BCS1L: variants seen among roughly 807,000 people sequenced by gnomAD.
BCS1L encodes the protein BCS1 ubiquinol-cytochrome c reductase complex chaperone.
A neutral mutation model predicts 49.3 loss-of-function variants in BCS1L; 38 were observed. The observed-to-expected ratio is 0.77, with a 90% CI of 0.59 to 1.01. BCS1L has a LOEUF of 1.01. Ranked by LOEUF, BCS1L falls within the 50% of genes least tolerant of loss-of-function variation. The probability of loss-of-function intolerance (pLI) is 0.00; values close to 1 mark genes in which losing one functional copy is unlikely to be tolerated. For synonymous variants in BCS1L, 193 were observed against 210.1 expected, an observed-to-expected ratio of 0.92 and a Z score of 0.70; for missense variants, 394 against 540.2, an observed-to-expected ratio of 0.73 and a Z score of 2.68.
chr2:218,660,796 C>T (rs1031564430), intron 1 of BCS1L, 143 bp from the exon 2 acceptor site: 7 of 619,582 alleles, frequency 1.1e-5, no homozygotes, highest in Non-Finnish European at 1.7e-5. Context: ...GACCTGGAGC[C>T]TCCACCCTTG....
Position 218,661,590 on chromosome 2 carries a change from G to A in BCS1L, c.460+45G>A. 1 of 1,611,492 alleles carries A rather than the reference G, an allele frequency of 6.2e-7. No individual in the cohort carries two copies. Among genetic ancestry groups the A allele is most frequent in the Non-Finnish European group, 8.5e-7 (1 of 1,178,884 alleles). ...GGCTTTCTAGGGACATTGCAGGGAT[G>A]GGGACATTTGACATCAGATGAGCAG... On this transcript the variant is annotated intron_variant, in intron 3 of 7. Transcript: ENST00000359273. This position sits in a 1 kb window ranked among gnomAD's most constrained non-coding sequence, Gnocchi z 5.9.
chr2:218,662,725 A>G lies in BCS1L; in HGVS notation c.889+46A>G. ...GAAGTGGAGTGGGTAACTGTGGAAC[A>G]GGGGAAGAAAGCAGAAATCCAGAGG... On this transcript the variant is annotated intron_variant, in intron 6 of 7. Transcript: ENST00000359273. This position sits in a 1 kb window ranked among gnomAD's most constrained non-coding sequence, Gnocchi z 5.8. 6.2e-7 allele frequency: 1 copy of G among 1,613,514 alleles called. No homozygotes were observed. Among genetic ancestry groups the G allele is most frequent in the Non-Finnish European group, 8.5e-7 (1 of 1,179,742 alleles).
chr2:218,661,305 C>T lies in BCS1L; in HGVS notation c.318C>T (p.Ile106=). 1 of 1,614,200 alleles carries T rather than the reference C, an allele frequency of 6.2e-7. No individual in the cohort carries two copies. Among genetic ancestry groups the T allele is most frequent in the South Asian group, 1.1e-5 (1 of 91,082 alleles). ...EFVPSPGNHF[I]WYRGKWIRVE... ...TCCCCAGCCCTGGAAACCATTTTATCTGGTAAGGTGGGGAGCTAGGGAGGG... is the reference window on the plus strand; with the variant it reads ...TCCCCAGCCCTGGAAACCATTTTATTTGGTAAGGTGGGGAGCTAGGGAGGG... The change falls in exon 2 of 8, where the codon ATC becomes ATT. Residue 106 remains isoleucine, a splice_region_variant and synonymous_variant. Coordinates refer to ENST00000359273, the MANE Select transcript of BCS1L (RefSeq NM_001079866.2). The surrounding 1 kb of genome is among the most constrained non-coding windows in gnomAD (Gnocchi z 5.9).
chr2:218,661,785 G>A lies in BCS1L; in HGVS notation c.487G>A (p.Glu163Lys), dbSNP rs1042987872. 15 of 1,610,008 alleles carry A rather than the reference G, an allele frequency of 9.3e-6. No homozygotes were observed. The highest frequency in any genetic ancestry group is 1.3e-5 in the Non-Finnish European group (15 of 1,176,568). Residue 163 changes from glutamate (E) to lysine (K), a missense_variant, in exon 4 of 8, where the codon GAA becomes AAA. Transcript: ENST00000359273. The surrounding 1 kb of genome is among the most constrained non-coding windows in gnomAD (Gnocchi z 5.9). ...TCGAGAGCTAGCCTTGCAGCAGGAG[G>A]AAGGGAAGACCGTGATGTACACAGC... ...EARELALQQE[E>K]GKTVMYTAVG... is the part of the protein sequence containing the mutation.
intron 1 of BCS1L, chr2:218,660,179 T>A (rs973184953): frequency 1.3e-5 from 2 of 152,260 alleles, no homozygotes; most frequent in South Asian, 4.1e-4. Context: ...TGCTTACTTG[T>A]TGAACATATT....
rs1041524366 is a variant in BCS1L, at chr2:218,662,719, T to A, written c.889+40T>A. 1 of 1,613,318 alleles carries A rather than the reference T, an allele frequency of 6.2e-7. No individual in the cohort carries two copies. The highest frequency in any genetic ancestry group is 8.5e-7 in the Non-Finnish European group (1 of 1,179,830). On this transcript the variant is annotated intron_variant, in intron 6 of 7. Coordinates refer to ENST00000359273, the MANE Select transcript of BCS1L (RefSeq NM_001079866.2). This position sits in a 1 kb window ranked among gnomAD's most constrained non-coding sequence, Gnocchi z 5.8. ...CTGGAGGAAGTGGAGTGGGTAACTG[T>A]GGAACAGGGGAAGAAAGCAGAAATC...
In BCS1L at chr2:218,663,131, C is replaced by T. The variant is rs760112313; in HGVS notation, c.1008-3C>T. ...GTGACCTGCTTTCCCTGTCTTCTCT[C>T]AGGCTGGACCCTGCCCTGATACGCC... On this transcript the variant is annotated splice_polypyrimidine_tract_variant and splice_region_variant and intron_variant, in intron 7 of 7. Transcript: ENST00000359273. 4.3e-6 allele frequency: 7 copies of T among 1,614,088 alleles called. No homozygotes were observed. The African/African-American group carries it at 9.3e-5, about 22-fold the overall frequency.
chr2:218,662,770 G>T lies in BCS1L; in HGVS notation c.889+91G>T. 4 of 1,603,894 alleles carry T rather than the reference G, an allele frequency of 2.5e-6. No homozygotes were observed. The Middle Eastern group carries it at 5.0e-4, about 200-fold the overall frequency. ...CAGAGGGCTGGTGGAAGATGCCTGG[G>T]TTAGTGACAAGAGCCCACAAGACAC... On this transcript the variant is annotated intron_variant, in intron 6 of 7. Transcript: ENST00000359273. The surrounding 1 kb of genome is among the most constrained non-coding windows in gnomAD (Gnocchi z 5.8).
In BCS1L at chr2:218,662,539, G is replaced by T; in HGVS notation, c.749G>T (p.Ser250Ile). 1 of 1,614,068 alleles carries T rather than the reference G, an allele frequency of 6.2e-7. No individual in the cohort carries two copies. Among genetic ancestry groups the T allele is most frequent in the African/African-American group, 1.3e-5 (1 of 75,050 alleles). Residue 250 changes from serine (S) to isoleucine (I), a missense_variant, in exon 6 of 8, where the codon AGC becomes ATC. Physicochemically the swap from Ser to Ile is moderately radical, Grantham distance 142. Coordinates refer to ENST00000359273, the MANE Select transcript of BCS1L (RefSeq NM_001079866.2). The surrounding 1 kb of genome is among the most constrained non-coding windows in gnomAD (Gnocchi z 5.8). ...GCCCTGGCTGGGGAACTGGAGCACA[G>T]CATCTGCCTGCTGAGCCTCACGGAC... is the stretch of plus-strand genomic sequence containing the variant. ...ITALAGELEH[S>I]ICLLSLTDSS... is the part of the protein sequence containing the mutation.
Position 218,661,644 on chromosome 2 carries a change from G to A in BCS1L, c.460+99G>A. On this transcript the variant is annotated intron_variant, in intron 3 of 7. Transcript: ENST00000359273. The surrounding 1 kb of genome is among the most constrained non-coding windows in gnomAD (Gnocchi z 5.9). ...GGAGAAGTGGAATAAGCAGGCCGGG[G>A]TGAGCCCATGGGAACAGGGGGCCAG... is the stretch of plus-strand genomic sequence containing the variant. The A allele has an allele frequency of 6.3e-7, 1 of 1,582,544 alleles. No individual in the cohort carries two copies.
At chr2:218,659,483 G>A (rs1339216488), upstream of BCS1L, 4 of 152,200 alleles carry the variant, frequency 2.6e-5, no homozygotes, top group Non-Finnish European at 5.9e-5. This position sits in a 1 kb window ranked among gnomAD's most constrained non-coding sequence, Gnocchi z 4.4. Context: ...GGATATTGGG[G>A]ATGTGGAAGC....
At chr2:218,660,179 T>C (rs973184953) in intron 1 of BCS1L, 5 of 152,260 alleles carry the variant, frequency 3.3e-5, no homozygotes, top group African/African-American at 1.2e-4. Context: ...TGCTTACTTG[T>C]TGAACATATT....
At position 218,662,820 on chromosome 2, in the gene BCS1L, G is replaced by C. The variant is rs199791659; in HGVS notation, c.890-63G>C. 12 of 1,583,350 alleles carry C rather than the reference G, an allele frequency of 7.6e-6. No homozygotes were observed. Among genetic ancestry groups the C allele is most frequent in the Middle Eastern group, 1.7e-4 (1 of 6,012 alleles). On this transcript the variant is annotated intron_variant, in intron 6 of 7. Transcript: ENST00000359273. The surrounding 1 kb of genome is among the most constrained non-coding windows in gnomAD (Gnocchi z 5.8). The stretch of plus-strand genomic sequence containing the variant: ...CATGGATAAGTAGGGGAACATAGTG[G>C]GGCATGCTAATTTTATGCTGGGCTA...
In BCS1L at chr2:218,660,798, C is replaced by G. The variant is rs1399651631; in HGVS notation, c.-49-141C>G. On this transcript the variant is annotated intron_variant, in intron 1 of 7. Transcript: ENST00000359273. ...AAATGGGATGAGGGACCTGGAGCCT[C>G]CACCCTTGCATTCCAATACCACCCT... 6.4e-6 allele frequency: 4 copies of G among 623,182 alleles called. No individual in the cohort carries two copies. In the Admixed American group the frequency reaches 1.1e-4, roughly 18 times the overall value. 38.6% of individuals were successfully genotyped at this position (623,182 alleles called of 1,614,324 possible). A position where few individuals can be genotyped will look rare whatever the true frequency, so the allele number is the denominator to read the frequency against.
Position 218,662,362 on chromosome 2 carries a change from A to C in BCS1L, c.719+102A>C. Reference sequence around the variant, plus strand: ...GAAATGAATCTGGGGATCGGGGACCAGGATAAACATGAAACGTGTGGAACA... The same window carrying C: ...GAAATGAATCTGGGGATCGGGGACCCGGATAAACATGAAACGTGTGGAACA... On this transcript the variant is annotated intron_variant, in intron 5 of 7. Coordinates refer to ENST00000359273, the MANE Select transcript of BCS1L (RefSeq NM_001079866.2). This position sits in a 1 kb window ranked among gnomAD's most constrained non-coding sequence, Gnocchi z 5.8. 6.7e-7 allele frequency: 1 copy of C among 1,494,228 alleles called. No individual in the cohort carries two copies. The allele number at this position is 1,494,228 out of a possible 1,614,324, so 92.6% of individuals were successfully genotyped here.
In BCS1L at chr2:218,662,791, G is replaced by C. The variant is rs1449668587; in HGVS notation, c.890-92G>C. On this transcript the variant is annotated intron_variant, in intron 6 of 7. Transcript: ENST00000359273. The surrounding 1 kb of genome is among the most constrained non-coding windows in gnomAD (Gnocchi z 5.8). ...CTGGGTTAGTGACAAGAGCCCACAA[G>C]ACACATGGATAAGTAGGGGAACATA... 6.3e-7 allele frequency: 1 copy of C among 1,587,180 alleles called. No individual in the cohort carries two copies. The highest frequency in any genetic ancestry group is 8.6e-7 in the Non-Finnish European group (1 of 1,156,200).
Position 218,662,807 on chromosome 2 carries a change from G to A in BCS1L, c.890-76G>A. 3.8e-6 allele frequency: 6 copies of A among 1,581,770 alleles called. No individual in the cohort carries two copies. The highest frequency in any genetic ancestry group is 4.3e-6 in the Non-Finnish European group (5 of 1,151,142). On this transcript the variant is annotated intron_variant, in intron 6 of 7. Coordinates refer to ENST00000359273, the MANE Select transcript of BCS1L (RefSeq NM_001079866.2). This position sits in a 1 kb window ranked among gnomAD's most constrained non-coding sequence, Gnocchi z 5.8. ...AGCCCACAAGACACATGGATAAGTA[G>A]GGGAACATAGTGGGGCATGCTAATT...
rs768258849 is a variant in BCS1L, at chr2:218,662,838, C to T, written c.890-45C>T. 1.3e-6 allele frequency: 2 copies of T among 1,598,316 alleles called. No homozygotes were observed. Among genetic ancestry groups the T allele is most frequent in the Non-Finnish European group, 1.7e-6 (2 of 1,165,782 alleles). On this transcript the variant is annotated intron_variant, in intron 6 of 7. Transcript: ENST00000359273. This position sits in a 1 kb window ranked among gnomAD's most constrained non-coding sequence, Gnocchi z 5.8. ...CATAGTGGGGCATGCTAATTTTATG[C>T]TGGGCTATGACTACTCATGCTTCCT...
rs1478163343 is a variant in BCS1L at position 218,661,273 on chromosome 2, GA to G, written c.288del (p.Glu96AspfsTer20). 1 of 1,614,212 alleles carries G rather than the reference GA, an allele frequency of 6.2e-7. No homozygotes were observed. ...HESGRISTKF[E>X]FVPSPGNHFI... ...GAGTGGCCGCATTTCCACTAAGTTT[GA>G]ATTTGTCCCCAGCCCTGGAAACCAT... On this transcript the variant is annotated frameshift_variant, in exon 2 of 8. Transcript: ENST00000359273. LOFTEE classifies it high-confidence loss of function. The surrounding 1 kb of genome is among the most constrained non-coding windows in gnomAD (Gnocchi z 5.9).
Sources: gnomAD v4.1 joint callset for allele counts on GRCh38, gnomAD v4.1.1 for gene constraint, Gnocchi (gnomAD v3.1) non-coding constraint, MANE v1.5 for transcripts, NCBI Gene and HGNC (gene_info 2026-07-23, HGNC 2026-07-21) for gene names.